Variants in HEATR6 observed in about 807,000 individuals in gnomAD.
HEATR6 encodes the protein HEAT repeat containing 6, also known as HEAT repeat-containing protein 6.
A neutral mutation model predicts 132.8 loss-of-function variants in HEATR6; 106 were observed. That is an observed-to-expected ratio of 0.80 (90% CI 0.68 to 0.94). HEATR6 has a LOEUF of 0.94. Among genes scored for constraint, HEATR6 ranks in the 40% least tolerant of loss-of-function variants. The pLI, the probability that HEATR6 is intolerant of heterozygous loss-of-function variation, is 0.00. For missense variants in HEATR6, 1,339 were observed against 1,425.1 expected (o/e 0.94, Z 0.97); for synonymous variants, 529 against 537.8 (o/e 0.98, Z 0.23).
chr17:60,054,906 G>A (rs1213189953), intron 14 of HEATR6, among the ~76,000 whole-genome samples: 1 of 152,148 alleles, frequency 6.6e-6, no homozygotes, highest in Non-Finnish European at 1.5e-5. Context: ...GATATGGTTT[G>A]GATGTGTGCC....
At chr17:60,057,970 GTT>G (rs1212071807) in intron 11 of HEATR6, among the ~76,000 whole-genome samples, 1 of 152,008 alleles carries the variant, frequency 6.6e-6, no homozygotes, top group Non-Finnish European at 1.5e-5. Context: ...CCATTGATCT[GTT>G]TGTCTCTTCC....
In HEATR6 at chr17:60,073,223, A is replaced by T; in HGVS notation, c.525T>A (p.Ala175=). ...TGLLMKLSDL[A]QSDPEVRRAA... Reference sequence around the variant, plus strand: ...CTCTCCTGACTTCAGGATCAGACTGAGCCAAGTCACTCAACTTCATTAAGA... The same window carrying T: ...CTCTCCTGACTTCAGGATCAGACTGTGCCAAGTCACTCAACTTCATTAAGA... The change falls in exon 4 of 20, where the codon GCT becomes GCA. Residue 175 remains alanine (A), a synonymous_variant. Transcript: ENST00000184956. 1 of 1,613,922 alleles carries T rather than the reference A, an allele frequency of 6.2e-7. No homozygotes were observed. Among genetic ancestry groups the T allele is most frequent in the Non-Finnish European group, 8.5e-7 (1 of 1,179,804 alleles).
intron 9 of HEATR6, among the ~76,000 whole-genome samples, chr17:60,061,834 A>G (rs977816918): frequency 6.6e-6 from 1 of 152,266 alleles, no homozygotes; most frequent in Non-Finnish European, 1.5e-5. Context: ...ACTCAACAAG[A>G]TAGATCTTAT....
Position 60,055,462 on chromosome 17 carries a change from A to G in HEATR6, c.2289+53T>C. On this transcript the variant is annotated intron_variant, in intron 14 of 19. Transcript: ENST00000184956. Reference sequence around the variant, plus strand: ...CCATTTATCACTGAGCTTCAAAATAAAACTGCAACTGAAGCATTAATAAAA... The same window carrying G: ...CCATTTATCACTGAGCTTCAAAATAGAACTGCAACTGAAGCATTAATAAAA... The G allele has an allele frequency of 3.3e-6, 4 of 1,225,218 alleles. No homozygotes were observed. The South Asian group carries it at 4.0e-5, about 12-fold the overall frequency. The allele number at this position is 1,225,218 out of a possible 1,614,324, so 75.9% of individuals were successfully genotyped here.
intron 2 of HEATR6, among the ~76,000 whole-genome samples, chr17:60,074,722 C>T (rs2083288274): frequency 6.6e-6 from 1 of 152,144 alleles, no homozygotes; most frequent in Non-Finnish European, 1.5e-5. Flanking sequence ...GCAACCTTAA[C>T]CCCCAAGGAA....
chr17:60,078,642 T>G (rs2083308180), intron 1 of HEATR6, 54 bp downstream of exon 1: 1 of 1,406,894 alleles, frequency 7.1e-7, no homozygotes, highest in South Asian at 1.3e-5. Context: ...GGCCACCAGC[T>G]GGGTTCCCGG....
At chr17:60,075,468 TCA>T (rs2083291549) in intron 2 of HEATR6, 2 of 152,302 alleles carry the variant, frequency 1.3e-5, no homozygotes, top group South Asian at 4.1e-4. Context: ...TTAAATATAT[TCA>T]CATACTCATG....
intron 9 of HEATR6, among the ~76,000 whole-genome samples, chr17:60,065,054 C>T (rs2083232954): frequency 6.6e-6 from 1 of 152,130 alleles, no homozygotes; most frequent in Non-Finnish European, 1.5e-5. Context: ...TTTTTAGTAG[C>T]TTTTATTTCA....
chr17:60,070,718 TAA>T lies in HEATR6; in HGVS notation c.787_788del (p.Leu263SerfsTer31). On this transcript the variant is annotated frameshift_variant, in exon 6 of 20. Coordinates refer to ENST00000184956, the MANE Select transcript of HEATR6 (RefSeq NM_022070.5). LOFTEE classifies it high-confidence loss of function. ...AGACTTGCCTTACCTTTAGCACAGC[TAA>T]AAGTGCTCCAAGTTCATCAGTCTGT... Reference protein sequence around the residue: ...LTQTDELGALLAVLKKFMFHG... With the variant: ...LTQTDELGALXAVLKKFMFHG... 1 of 1,595,090 alleles carries T rather than the reference TAA, an allele frequency of 6.3e-7. No homozygotes were observed. Among genetic ancestry groups the T allele is most frequent in the Non-Finnish European group, 8.6e-7 (1 of 1,162,728 alleles).
In HEATR6 at chr17:60,057,031, G is replaced by A; in HGVS notation, c.2079+17C>T. ...TGGTTACTTCCATTTCAGAGATGAG[G>A]AAATGAAATCTCCTACCTGTAAGGC... is the stretch of plus-strand genomic sequence containing the variant. On this transcript the variant is annotated intron_variant, in intron 12 of 19. Transcript: ENST00000184956. 2 of 1,532,450 alleles carry A rather than the reference G, an allele frequency of 1.3e-6. No homozygotes were observed. Among genetic ancestry groups the A allele is most frequent in the Non-Finnish European group, 1.8e-6 (2 of 1,130,670 alleles). The allele number at this position is 1,532,450 out of a possible 1,614,324, so 94.9% of individuals were successfully genotyped here.
chr17:60,048,049 T>C (rs1482328486), intron 17 of HEATR6, among the ~76,000 whole-genome samples: 5 of 152,210 alleles, frequency 3.3e-5, no homozygotes, highest in East Asian at 1.9e-4. Context: ...GCATACAGTA[T>C]TTTTAATACA....
chr17:60,073,948 A>T, intron 2 of HEATR6, 62 bp from the exon 3 acceptor site: 1 of 1,564,212 alleles, frequency 6.4e-7, no homozygotes, highest in Non-Finnish European at 8.6e-7. Context: ...GCTTTTATGG[A>T]CATGTATGCT....
rs1431558979 is a variant in HEATR6 at position 60,059,956 on chromosome 17, C to A, written c.1557G>T (p.Leu519Phe). ...SVMIACSIRE[L>F]HRCLLLALVA... ...CCAAAGCTAACAAAAGACATCTGTG[C>A]AACTCTCTAATGCTGCAAGCGATCA... Residue 519 changes from leucine to phenylalanine, a missense_variant, in exon 10 of 20, where the codon TTG (leucine) becomes TTT (phenylalanine). Leu to Phe is a conservative substitution (Grantham distance 22). Transcript: ENST00000184956. 1.2e-6 allele frequency: 2 copies of A among 1,613,750 alleles called. No individual in the cohort carries two copies. The highest frequency in any genetic ancestry group is 2.7e-5 in the African/African-American group (2 of 74,888).
chr17:60,060,465 T>C (rs1306974393), intron 9 of HEATR6, among the ~76,000 whole-genome samples: 1 of 152,056 alleles, frequency 6.6e-6, no homozygotes, highest in Non-Finnish European at 1.5e-5. Context: ...AGAAACCCAT[T>C]GCTGTTAGGT....
intron 13 of HEATR6, 48 bp from the exon 14 acceptor site, chr17:60,055,649 G>A (rs1438875479): frequency 3.7e-6 from 5 of 1,339,626 alleles, no homozygotes; most frequent in South Asian, 3.7e-5. Flanking sequence ...ACTAATGAAT[G>A]ACTTCACTTG....
In HEATR6 at chr17:60,042,067, A is replaced by G. The variant is rs1448281277; in HGVS notation, c.*1496T>C. Among the ~76,000 whole-genome samples, 2 of 152,140 alleles carry G rather than the reference A, an allele frequency of 1.3e-5. No individual in the cohort carries two copies. Among genetic ancestry groups the G allele is most frequent in the African/African-American group, 4.8e-5 (2 of 41,424 alleles). ...GGGCATTATCAAAATATAATTGGAA[A>G]CCCCTCTTTGTAACCAACTAACCAA... On this transcript the variant is annotated 3_prime_UTR_variant, in exon 20 of 20. Coordinates refer to ENST00000184956, the MANE Select transcript of HEATR6 (RefSeq NM_022070.5).
chr17:60,051,866 G>A (rs1346666964), intron 14 of HEATR6, among the ~76,000 whole-genome samples: 1 of 152,148 alleles, frequency 6.6e-6, no homozygotes, highest in African/African-American at 2.4e-5. Context: ...ACAAAAAGTG[G>A]TTGCCAGTCT....
intron 10 of HEATR6, 87 bp from the exon 11 acceptor site, chr17:60,059,608 A>G (rs1906867092): frequency 1.2e-5 from 11 of 896,782 alleles, no homozygotes; most frequent in Non-Finnish European, 1.9e-5. Context: ...AAAAAAGAAA[A>G]GTTTTCACAC....
At chr17:60,051,071 T>C in intron 14 of HEATR6, 94 bp from the exon 15 acceptor site, 2 of 1,366,022 alleles carry the variant, frequency 1.5e-6, no homozygotes, top group East Asian at 4.8e-5. Context: ...AGTGAAACAT[T>C]TTCCCTTAAA....
Sources: allele counts gnomAD v4.1 joint callset (sites outside exome capture counted in the v4.1 genomes callset), GRCh38; gene constraint gnomAD v4.1.1; transcripts MANE v1.5; gene names NCBI Gene and HGNC (gene_info 2026-07-23, HGNC 2026-07-21).